Variants in LPCAT2 observed in about 807,000 individuals in gnomAD.
The protein encoded by LPCAT2 is 1-AGP acyltransferase 11.
LPCAT2 carries 58 observed loss-of-function variants against 64.7 expected under a neutral mutation model. That is an observed-to-expected ratio of 0.90 (90% CI 0.73 to 1.12). The LOEUF is 1.12. Among genes scored for constraint, LPCAT2 ranks in the 50% most tolerant of loss-of-function variants. LPCAT2 has a pLI of 0.00. For synonymous variants in LPCAT2, 252 were observed against 245.3 expected, an observed-to-expected ratio of 1.03 and a Z score of -0.26; for missense variants, 579 against 669.8, an observed-to-expected ratio of 0.86 and a Z score of 1.50.
At chr16:55,545,519 T>A (rs1963442864) in intron 8 of LPCAT2, 2 of 391,018 alleles carry the variant, frequency 5.1e-6, no homozygotes. Flanking sequence ...TTGAAATGGT[T>A]CATCAAAGTT....
chr16:55,528,438 A>G lies in LPCAT2; in HGVS notation c.373A>G (p.Ile125Val), dbSNP rs1192922302. The G allele has an allele frequency of 1.2e-6, 2 of 1,614,062 alleles. No individual in the cohort carries two copies. The highest frequency in any genetic ancestry group is 1.7e-6 in the Non-Finnish European group (2 of 1,179,970). Reference protein sequence around the residue: ...GRAMFFSMGFIVAVKGKIASP... With the variant: ...GRAMFFSMGFVVAVKGKIASP... Reference sequence around the variant, plus strand: ...TGCTATGTTCTTTTCAATGGGATTTATAGTTGCTGTAAAAGGAAAGATTGC... The same window carrying G: ...TGCTATGTTCTTTTCAATGGGATTTGTAGTTGCTGTAAAAGGAAAGATTGC... The change falls in exon 3 of 14, where the codon ATA (isoleucine) becomes GTA (valine). Residue 125 changes from isoleucine (I) to valine (V), a missense_variant. Ile to Val is a conservative substitution (Grantham distance 29, BLOSUM62 3). Coordinates refer to ENST00000262134, the MANE Select transcript of LPCAT2 (RefSeq NM_017839.5).
chr16:55,519,128 T>C (rs1244857979), intron 1 of LPCAT2, among the ~76,000 whole-genome samples: 1 of 151,858 alleles, frequency 6.6e-6, no homozygotes, highest in Non-Finnish European at 1.5e-5. Context: ...CTAATGAAAA[T>C]ATTATTCAGA....
At chr16:55,580,131 CAA>C (rs1439020814) in intron 13 of LPCAT2, among the ~76,000 whole-genome samples, 1 of 152,114 alleles carries the variant, frequency 6.6e-6, no homozygotes, top group East Asian at 1.9e-4. Flanking sequence ...TTATGGTGTT[CAA>C]GAGTTTCAGC....
At chr16:55,545,944 A>G in intron 9 of LPCAT2, 127 bp downstream of exon 9, 2 of 650,608 alleles carry the variant, frequency 3.1e-6, no homozygotes, top group South Asian at 3.9e-5. Flanking sequence ...TTTGATACGT[A>G]AAATAATGTG....
At position 55,573,914 on chromosome 16, in the gene LPCAT2, A is replaced by G. The variant is rs935907562; in HGVS notation, c.1216-717A>G. ...CTTCTTAGAGCTCCTGTCTAGGTAA[A>G]CAGTTAATGTACAGGGAAAACTCTG... On this transcript the variant is annotated intron_variant, in intron 11 of 13. Transcript: ENST00000262134. 2.6e-5 allele frequency among the ~76,000 whole-genome samples: 4 copies of G among 152,054 alleles called. No individual in the cohort carries two copies. The East Asian group carries it at 7.7e-4, about 29-fold the overall frequency.
intron 11 of LPCAT2, among the ~76,000 whole-genome samples, chr16:55,556,319 A>G (rs1445459368): frequency 4.6e-5 from 7 of 152,132 alleles, no homozygotes; most frequent in Admixed American, 3.9e-4. Context: ...AGGACAGGAG[A>G]TAGGGAAATA....
chr16:55,568,773 G>A (rs1278244482), intron 11 of LPCAT2, among the ~76,000 whole-genome samples: 1 of 152,146 alleles, frequency 6.6e-6, no homozygotes, highest in Non-Finnish European at 1.5e-5. Context: ...TCAGGAGAAG[G>A]AAGATAGAAA....
chr16:55,518,117 A>G (rs1012315435), intron 1 of LPCAT2, among the ~76,000 whole-genome samples: 6 of 152,328 alleles, frequency 3.9e-5, no homozygotes, highest in Non-Finnish European at 8.8e-5. Flanking sequence ...CAAGATCAAT[A>G]TACAAAAATC....
intron 11 of LPCAT2, among the ~76,000 whole-genome samples, chr16:55,555,276 T>C (rs1439096013): frequency 2.0e-5 from 3 of 152,322 alleles, no homozygotes; most frequent in African/African-American, 7.2e-5. Flanking sequence ...TGTTCTTTTC[T>C]TTTAACAGTT....
At chr16:55,514,506 C>T (rs1440084576) in intron 1 of LPCAT2, among the ~76,000 whole-genome samples, 1 of 152,052 alleles carries the variant, frequency 6.6e-6, no homozygotes, top group Non-Finnish European at 1.5e-5. Context: ...TTAGTAGCCA[C>T]AATGACAAAG....
intron 1 of LPCAT2, among the ~76,000 whole-genome samples, chr16:55,515,601 G>A (rs553126445): frequency 2.2e-4 from 34 of 152,138 alleles, no homozygotes; most frequent in Non-Finnish European, 3.5e-4. Context: ...TTTTTTGTTT[G>A]TAAATCTTTT....
At chr16:55,567,543 G>A in intron 11 of LPCAT2, 2 of 1,580,782 alleles carry the variant, frequency 1.3e-6, no homozygotes, top group South Asian at 2.3e-5. Context: ...TGGAGGACAG[G>A]ACTGAAAACC....
intron 4 of LPCAT2, among the ~76,000 whole-genome samples, chr16:55,531,179 C>G (rs1567394748): frequency 6.6e-6 from 1 of 152,074 alleles, no homozygotes; most frequent in Non-Finnish European, 1.5e-5. Context: ...AATATTTTCC[C>G]TATCTAATTA....
intron 7 of LPCAT2, among the ~76,000 whole-genome samples, chr16:55,534,973 A>G (rs1016530134): frequency 6.6e-5 from 10 of 152,230 alleles, no homozygotes; most frequent in Non-Finnish European, 7.3e-5. Flanking sequence ...CATTGGAATC[A>G]GCAGTTTCTA....
At position 55,528,446 on chromosome 16, in the gene LPCAT2, T is replaced by C. The variant is rs1567393668; in HGVS notation, c.381T>C (p.Ala127=). 8 of 1,614,064 alleles carry C rather than the reference T, an allele frequency of 5.0e-6. No homozygotes were observed. The highest frequency in any genetic ancestry group is 6.8e-6 in the Non-Finnish European group (8 of 1,179,952). Residue 127 remains alanine (A), a synonymous_variant, in exon 3 of 14, where the codon GCT becomes GCC. Coordinates refer to ENST00000262134, the MANE Select transcript of LPCAT2 (RefSeq NM_017839.5). ...AMFFSMGFIV[A]VKGKIASPLE... ...TCTTTTCAATGGGATTTATAGTTGC[T>C]GTAAAAGGAAAGATTGCAAGTCCTT...
intron 8 of LPCAT2, chr16:55,538,899 T>C (rs1296577705): frequency 3.3e-5 from 5 of 152,112 alleles, no homozygotes; most frequent in African/African-American, 7.2e-5. Flanking sequence ...TAGAATACAC[T>C]TCAGGAAGCC....
intron 2 of LPCAT2, among the ~76,000 whole-genome samples, chr16:55,527,529 A>G (rs1963188615): frequency 6.6e-6 from 1 of 150,830 alleles, no homozygotes; most frequent in Non-Finnish European, 1.5e-5. Flanking sequence ...GATGATGTAC[A>G]TATTTTATTT....
At chr16:55,558,504 C>T (rs576052223) in intron 11 of LPCAT2, among the ~76,000 whole-genome samples, 3 of 152,274 alleles carry the variant, frequency 2.0e-5, no homozygotes, top group South Asian at 4.1e-4. Flanking sequence ...CTGCCTCTTA[C>T]CTCCTACCAC....
In LPCAT2 at chr16:55,583,096, T is replaced by C. The variant is rs1194277709; in HGVS notation, c.1633T>C (p.Ter545ArgextTer6). The change falls in exon 14 of 14, where the codon TGA becomes CGA. Residue 545 changes from the stop codon to arginine, a stop_lost. Coordinates refer to ENST00000262134, the MANE Select transcript of LPCAT2 (RefSeq NM_017839.5). ...EESTSDKKDD[*>R] is the part of the protein sequence containing the mutation. Reference sequence around the variant, plus strand: ...GAGTACCTCAGACAAAAAAGATGACTGAAAGCAGTATTTCCAATAAGGAAA... The same window carrying C: ...GAGTACCTCAGACAAAAAAGATGACCGAAAGCAGTATTTCCAATAAGGAAA... 1.1e-5 allele frequency: 18 copies of C among 1,610,306 alleles called. No individual in the cohort carries two copies. The highest frequency in any genetic ancestry group is 1.5e-5 in the Non-Finnish European group (18 of 1,177,884).
Sources: allele counts gnomAD v4.1 joint callset (sites outside exome capture counted in the v4.1 genomes callset), GRCh38; gene constraint gnomAD v4.1.1; transcripts MANE v1.5; gene names NCBI Gene and HGNC (gene_info 2026-07-23, HGNC 2026-07-21).